KCNK9: variants seen among roughly 807,000 people sequenced by gnomAD.
KCNK9 encodes potassium two pore domain channel subfamily K member 9, also known as potassium channel subfamily K member 9.
Under a neutral mutation model 10.8 loss-of-function variants are expected in KCNK9, and 1 was observed. That is an observed-to-expected ratio of 0.09 (90% CI 0.03 to 0.44). KCNK9 has a LOEUF of 0.44. Among genes scored for constraint, KCNK9 ranks in the 20% least tolerant of loss-of-function variants. The pLI, the probability that KCNK9 is intolerant of heterozygous loss-of-function variation, is 0.97. For missense variants in KCNK9, 303 were observed against 515.0 expected (o/e 0.59, Z 3.98); for synonymous variants, 231 against 222.7 (o/e 1.04, Z -0.33).
Position 139,702,040 on chromosome 8 carries a change from G to T in KCNK9, c.283+670C>A, listed in dbSNP as rs527250112. ...CCTGCCCCCACTCTCCACCTCTACT[G>T]AGAGCAATTGAGGGGCTGCCACCCC... On this transcript the variant is annotated intron_variant, in intron 1 of 1. Transcript: ENST00000520439. This position sits in a 1 kb window ranked among gnomAD's most constrained non-coding sequence, Gnocchi z 7.5. Among the ~76,000 whole-genome samples, 1 of 152,304 alleles carries T rather than the reference G, an allele frequency of 6.6e-6. No homozygotes were observed. Among genetic ancestry groups the T allele is most frequent in the South Asian group, 2.1e-4 (1 of 4,830 alleles).
chr8:139,668,407 A>G (rs961171445), intron 1 of KCNK9, among the ~76,000 whole-genome samples: 14 of 148,844 alleles, frequency 9.4e-5, no homozygotes, highest in Admixed American at 3.4e-4. Flanking sequence ...AGACTGTAGT[A>G]TAGTGTAAAC....
intron 1 of KCNK9, among the ~76,000 whole-genome samples, chr8:139,669,117 TAA>T (rs11457017): frequency 3.3e-5 from 5 of 149,766 alleles, no homozygotes; most frequent in African/African-American, 9.8e-5. Context: ...ACTCTACTGC[TAA>T]AAAAAAAAAT....
At chr8:139,657,043 A>G (rs984040339) in intron 1 of KCNK9, among the ~76,000 whole-genome samples, 10 of 152,062 alleles carry the variant, frequency 6.6e-5, no homozygotes, top group African/African-American at 2.4e-4. Flanking sequence ...ATGTCCTCCA[A>G]CAGGAACCAC....
chr8:139,644,770 T>C (rs1815624163), intron 1 of KCNK9, among the ~76,000 whole-genome samples: 1 of 134,484 alleles, frequency 7.4e-6, no homozygotes, highest in East Asian at 2.1e-4. Flanking sequence ...CCAGCATGCC[T>C]TGCAGCAGTG....
chr8:139,702,770 C>T lies in KCNK9; in HGVS notation c.223G>A (p.Gly75Ser), dbSNP rs1563758595. Residue 75 changes from glycine to serine, a missense_variant, in exon 1 of 2, where the codon GGC becomes AGC. Physicochemically the swap from Gly to Ser is moderately conservative, Grantham distance 56. Coordinates refer to ENST00000520439, the MANE Select transcript of KCNK9 (RefSeq NM_001282534.2). The surrounding 1 kb of genome is among the most constrained non-coding windows in gnomAD (Gnocchi z 7.5). Reference protein sequence around the residue: ...VILQSEPHRAGVQWKFAGSFY... With the variant: ...VILQSEPHRASVQWKFAGSFY... ...GAGCCGGCGAATTTCCACTGGACGCCGGCGCGGTGCGGTTCCGACTGCAGG... is the reference window on the plus strand; with the variant it reads ...GAGCCGGCGAATTTCCACTGGACGCTGGCGCGGTGCGGTTCCGACTGCAGG... 1 of 1,613,510 alleles carries T rather than the reference C, an allele frequency of 6.2e-7. No homozygotes were observed. Among genetic ancestry groups the T allele is most frequent in the Non-Finnish European group, 8.5e-7 (1 of 1,179,872 alleles).
At chr8:139,653,486 T>C (rs1815928151) in intron 1 of KCNK9, among the ~76,000 whole-genome samples, 1 of 151,754 alleles carries the variant, frequency 6.6e-6, no homozygotes, top group Admixed American at 6.6e-5. Context: ...CACTCAGGAC[T>C]CCCCCAACAG....
At position 139,618,510 on chromosome 8, in the gene KCNK9, C is replaced by T. The variant is rs771770012; in HGVS notation, c.873G>A (p.Pro291=). Residue 291 remains proline, a synonymous_variant, in exon 2 of 2, where the codon CCG becomes CCA. Transcript: ENST00000520439. This position sits in a 1 kb window ranked among gnomAD's most constrained non-coding sequence, Gnocchi z 7.9. ...TGCAGGAGCACACAGACTGCAGGTCCGGGACGTCCGCCTTGTACCTGGGCC... is the reference window on the plus strand; with the variant it reads ...TGCAGGAGCACACAGACTGCAGGTCTGGGACGTCCGCCTTGTACCTGGGCC... ...PSRPRYKADV[P]DLQSVCSCTC... The T allele has an allele frequency of 6.8e-6, 11 of 1,613,632 alleles. No individual in the cohort carries two copies. Among genetic ancestry groups the T allele is most frequent in the Non-Finnish European group, 9.3e-6 (11 of 1,180,002 alleles).
chr8:139,608,276 C>G (rs1814299708), downstream of KCNK9, among the ~76,000 whole-genome samples: 1 of 152,136 alleles, frequency 6.6e-6, no homozygotes, highest in Non-Finnish European at 1.5e-5. Context: ...GAGTCTCACA[C>G]AAAGCTTCAG....
intron 1 of KCNK9, among the ~76,000 whole-genome samples, chr8:139,677,695 C>T (rs1377474109): frequency 2.0e-5 from 3 of 149,136 alleles, no homozygotes; most frequent in Admixed American, 6.6e-5. Context: ...TGGGTTCCCA[C>T]AGCTGCAGAG....
intron 1 of KCNK9, among the ~76,000 whole-genome samples, chr8:139,689,806 C>A (rs997741328): frequency 1.3e-5 from 2 of 152,096 alleles, no homozygotes. Flanking sequence ...CCATGCCTGG[C>A]TAATTTTTTG....
chr8:139,698,653 C>A (rs182447551), intron 1 of KCNK9, among the ~76,000 whole-genome samples: 2 of 152,328 alleles, frequency 1.3e-5, no homozygotes, highest in African/African-American at 4.8e-5. Flanking sequence ...AAGGCCAGGC[C>A]TTATCTTGTC....
chr8:139,623,524 G>A (rs1327884607), intron 1 of KCNK9, among the ~76,000 whole-genome samples: 1 of 152,132 alleles, frequency 6.6e-6, no homozygotes, highest in Non-Finnish European at 1.5e-5. Flanking sequence ...CATGGATGTG[G>A]AAAGGCCACA....
At position 139,702,583 on chromosome 8, in the gene KCNK9, G is replaced by A; in HGVS notation, c.283+127C>T. On this transcript the variant is annotated intron_variant, in intron 1 of 1. Transcript: ENST00000520439. This position sits in a 1 kb window ranked among gnomAD's most constrained non-coding sequence, Gnocchi z 7.5. ...CTCCCTAGAGAGGAGGGGGCGCTGC[G>A]GGAAGGCCCCCAAGGGAGGCTGCGT... 4.1e-6 allele frequency: 4 copies of A among 965,290 alleles called. No homozygotes were observed. Among genetic ancestry groups the A allele is most frequent in the Non-Finnish European group, 6.0e-6 (4 of 671,596 alleles). 59.8% of individuals were successfully genotyped at this position (965,290 alleles called of 1,614,324 possible). A position where few individuals can be genotyped will look rare whatever the true frequency, so the allele number is the denominator to read the frequency against.
intron 2 of KCNK9, among the ~76,000 whole-genome samples, chr8:139,607,186 G>A (rs770891802): frequency 3.3e-5 from 5 of 152,102 alleles, no homozygotes; most frequent in Admixed American, 2.0e-4. Flanking sequence ...AAAATTCCAC[G>A]TGAGAAAGTA....
At chr8:139,668,760 A>G (rs1816358638) in intron 1 of KCNK9, among the ~76,000 whole-genome samples, 1 of 152,092 alleles carries the variant, frequency 6.6e-6, no homozygotes, top group Admixed American at 6.5e-5. Flanking sequence ...AAACAAACAC[A>G]TTTGTGTGAC....
At chr8:139,660,753 G>T (rs1290276772) in intron 1 of KCNK9, among the ~76,000 whole-genome samples, 3 of 152,130 alleles carry the variant, frequency 2.0e-5, no homozygotes, top group Non-Finnish European at 4.4e-5. Flanking sequence ...CCAGGAGACA[G>T]CCCCTCCTGG....
At chr8:139,685,423 C>T (rs541816170) in intron 1 of KCNK9, among the ~76,000 whole-genome samples, 1 of 152,278 alleles carries the variant, frequency 6.6e-6, no homozygotes, top group East Asian at 1.9e-4. Context: ...CTAACGCTAT[C>T]TCTCCCACAG....
At chr8:139,633,010 G>T (rs1335575029) in intron 1 of KCNK9, among the ~76,000 whole-genome samples, 1 of 152,130 alleles carries the variant, frequency 6.6e-6, no homozygotes, top group Non-Finnish European at 1.5e-5. Flanking sequence ...TCACGTCCAT[G>T]GAACAGGTGA....
chr8:139,609,189 TG>T (rs1814336136), downstream of KCNK9, among the ~76,000 whole-genome samples: 1 of 131,330 alleles, frequency 7.6e-6, no homozygotes, highest in Non-Finnish European at 1.5e-5. Flanking sequence ...GTTCCAGCTC[TG>T]CCGCTTTTCT....
Sources: allele counts gnomAD v4.1 joint callset (sites outside exome capture counted in the v4.1 genomes callset), GRCh38; gene constraint gnomAD v4.1.1; non-coding constraint Gnocchi (gnomAD v3.1); transcripts MANE v1.5; gene names NCBI Gene and HGNC (gene_info 2026-07-23, HGNC 2026-07-21).